Variants in SCAF8 observed in about 807,000 individuals in gnomAD.
The protein encoded by SCAF8 is SR-related and CTD-associated factor 8.
A neutral mutation model predicts 140.5 loss-of-function variants in SCAF8; 23 were observed. That is an observed-to-expected ratio of 0.16 (90% confidence interval 0.12 to 0.23). The LOEUF is 0.23. SCAF8 is among the 10% of genes least tolerant of loss of function. SCAF8 has a pLI of 1.00. For synonymous variants in SCAF8, 575 were observed against 528.9 expected, an observed-to-expected ratio of 1.09 and a Z score of -1.20; for missense variants, 1,397 against 1,555.7, an observed-to-expected ratio of 0.90 and a Z score of 1.72.
Position 154,777,589 on chromosome 6 carries a change from A to G in SCAF8, c.115-412A>G, listed in dbSNP as rs181145327. On this transcript the variant is annotated intron_variant, in intron 2 of 19. Transcript: ENST00000367178. ...GTTATTTGTAGTTACTTGATTTTTC[A>G]AATTTCCCTTGATTTAACTGATAAA... 5.7e-3 allele frequency among the ~76,000 whole-genome samples: 861 copies of G among 152,328 alleles called. 13 individuals carry two copies. Among genetic ancestry groups the G allele is most frequent in the African/African-American group, 0.02 (817 of 41,582 alleles).
rs148095343 is a variant in SCAF8, at chr6:154,832,275, C to T, written c.2696C>T (p.Thr899Ile). 5.6e-6 allele frequency: 9 copies of T among 1,614,112 alleles called. No individual in the cohort carries two copies. In the African/African-American group the frequency reaches 9.3e-5, roughly 17 times the overall value. ...NVPNTPGLLG[T>I]QPPAGPQNLP... is the part of the protein sequence containing the mutation. Reference sequence around the variant, plus strand: ...CCAAATACTCCTGGACTTCTGGGAACACAGCCACCAGCTGGACCTCAAAAC... The same window carrying T: ...CCAAATACTCCTGGACTTCTGGGAATACAGCCACCAGCTGGACCTCAAAAC... Residue 899 changes from threonine (T) to isoleucine (I), a missense_variant, in exon 20 of 20, where the codon ACA becomes ATA. This residue lies in a region of SCAF8 where 930 missense variants were observed against 874.6 expected (regional missense o/e 1.06). Transcript: ENST00000367178.
intron 1 of SCAF8, among the ~76,000 whole-genome samples, chr6:154,752,829 C>T (rs991632079): frequency 6.6e-6 from 1 of 152,158 alleles, no homozygotes; most frequent in Admixed American, 6.5e-5. Flanking sequence ...TCAAGTGATT[C>T]TCCTGCCTCA....
In SCAF8 at chr6:154,832,651, G is replaced by A. The variant is rs1450406405; in HGVS notation, c.3072G>A (p.Arg1024=). Residue 1024 remains arginine, a synonymous_variant, in exon 20 of 20, where the codon AGG becomes AGA. Transcript: ENST00000367178. ...ACCGGTTTCCTCCTATAGAAACCAG[G>A]GAAAGCATTAGTAGACCTCCCCCTG... ...RDYRFPPIET[R]ESISRPPPVD... 1 of 1,613,952 alleles carries A rather than the reference G, an allele frequency of 6.2e-7. No homozygotes were observed. The highest frequency in any genetic ancestry group is 8.5e-7 in the Non-Finnish European group (1 of 1,179,992).
Position 154,798,300 on chromosome 6 carries a change from A to G in SCAF8, c.606+3161A>G, listed in dbSNP as rs1224317851. Among the ~76,000 whole-genome samples, 5 of 151,536 alleles carry G rather than the reference A, an allele frequency of 3.3e-5. 1 individual carries two copies. Among genetic ancestry groups the G allele is most frequent in the African/African-American group, 4.8e-5 (2 of 41,412 alleles). On this transcript the variant is annotated intron_variant, in intron 6 of 19. Transcript: ENST00000367178. ...AATTGGTTCAGGAAAGTTCTGTTATACAGATGACAATTAAATTTGTTTTTT... is the reference window on the plus strand; with the variant it reads ...AATTGGTTCAGGAAAGTTCTGTTATGCAGATGACAATTAAATTTGTTTTTT...
chr6:154,786,888 A>G (rs1436217610), intron 3 of SCAF8, among the ~76,000 whole-genome samples: 1 of 152,260 alleles, frequency 6.6e-6, no homozygotes, highest in African/African-American at 2.4e-5. Context: ...ATCATACTAA[A>G]GAACTTTTTT....
At chr6:154,764,411 A>G (rs1261895767) in intron 1 of SCAF8, among the ~76,000 whole-genome samples, 1 of 152,306 alleles carries the variant, frequency 6.6e-6, no homozygotes, top group Admixed American at 6.5e-5. Flanking sequence ...TCAGATGAGC[A>G]TAGAGAATTT....
chr6:154,753,819 T>C (rs554786414), intron 1 of SCAF8, among the ~76,000 whole-genome samples: 9 of 152,278 alleles, frequency 5.9e-5, no homozygotes, highest in African/African-American at 2.2e-4. Context: ...TTGATTTTTT[T>C]CACAGTGAGC....
intron 1 of SCAF8, among the ~76,000 whole-genome samples, chr6:154,757,660 A>C (rs1779000214): frequency 6.6e-6 from 1 of 152,234 alleles, no homozygotes; most frequent in Non-Finnish European, 1.5e-5. Flanking sequence ...TTATCAGTTA[A>C]AGTCAGAGTT....
intron 5 of SCAF8, among the ~76,000 whole-genome samples, chr6:154,793,905 G>GTGTGTGTGTGTA (rs61366938): frequency 0.59 from 87,368 of 149,242 alleles, 27,682 homozygotes; most frequent in East Asian, 0.91. Context: ...TGTATTTTGT[G>GTGTGTGTGTGTA]TGTGTGTGTG....
Position 154,808,185 on chromosome 6 carries a change from T to C in SCAF8, c.1097T>C (p.Ile366Thr), listed in dbSNP as rs758330984. Reference protein sequence around the residue: ...LEPEVNLDDSIDIQQQDMDID... With the variant: ...LEPEVNLDDSTDIQQQDMDID... Reference sequence around the variant, plus strand: ...CCTGAAGTCAATTTGGATGATTCCATAGATATTCAGCAACAGGTAAAAGTA... The same window carrying C: ...CCTGAAGTCAATTTGGATGATTCCACAGATATTCAGCAACAGGTAAAAGTA... The change falls in exon 10 of 20, where the codon ATA (isoleucine) becomes ACA (threonine). Residue 366 changes from isoleucine (I) to threonine (T), a missense_variant. Ile to Thr is a moderately conservative substitution (Grantham distance 89). This residue lies in a region of SCAF8 where 339 missense variants were observed against 407.5 expected (regional missense o/e 0.83). Transcript: ENST00000367178. 2 of 1,613,664 alleles carry C rather than the reference T, an allele frequency of 1.2e-6. No homozygotes were observed. The highest frequency in any genetic ancestry group is 1.7e-6 in the Non-Finnish European group (2 of 1,179,720).
chr6:154,760,011 G>T (rs906486128), intron 1 of SCAF8, among the ~76,000 whole-genome samples: 4 of 152,068 alleles, frequency 2.6e-5, no homozygotes, highest in African/African-American at 9.7e-5. Context: ...CAAATTCTGG[G>T]CTGGGCATAG....
At position 154,810,090 on chromosome 6, in the gene SCAF8, C is replaced by G. The variant is rs528442734; in HGVS notation, c.1302C>G (p.Arg434=). 2 of 1,613,742 alleles carry G rather than the reference C, an allele frequency of 1.2e-6. No individual in the cohort carries two copies. Among genetic ancestry groups the G allele is most frequent in the Non-Finnish European group, 8.5e-7 (1 of 1,179,898 alleles). ...KRKHRKRSRS[R]SRERKRKSSR... is the part of the protein sequence containing the mutation. ...AACACAGAAAGCGATCACGCTCCCG[C>G]TCAAGAGAAAGAAAGAGGAAATCAT... Residue 434 remains arginine (R), a synonymous_variant, in exon 12 of 20, where the codon CGC becomes CGG. Coordinates refer to ENST00000367178, the MANE Select transcript of SCAF8 (RefSeq NM_014892.5).
chr6:154,785,968 G>A lies in SCAF8; in HGVS notation c.160-1893G>A, dbSNP rs865803402. On this transcript the variant is annotated intron_variant, in intron 3 of 19. Transcript: ENST00000367178. ...GATACGCTTTAGGAAATTATTTAGA[G>A]TAAAAATACCGTATGCCATTGTATA... Among the ~76,000 whole-genome samples, 5 of 152,330 alleles carry A rather than the reference G, an allele frequency of 3.3e-5. No individual in the cohort carries two copies. The South Asian group carries it at 1.0e-3, about 32-fold the overall frequency.
intron 1 of SCAF8, among the ~76,000 whole-genome samples, chr6:154,769,280 C>G (rs778716420): frequency 6.6e-6 from 1 of 152,042 alleles, no homozygotes; most frequent in African/African-American, 2.4e-5. Context: ...CTTTAGAAGT[C>G]TAAATTATAT....
At chr6:154,777,054 A>G (rs1480271184) in intron 2 of SCAF8, among the ~76,000 whole-genome samples, 1 of 152,124 alleles carries the variant, frequency 6.6e-6, no homozygotes, top group African/African-American at 2.4e-5. Flanking sequence ...GCTGGCACGC[A>G]TCTGTAGTCC....
intron 1 of SCAF8, among the ~76,000 whole-genome samples, chr6:154,770,401 CTCTCTCTCTCTCT>C (rs1776711406): frequency 8.7e-5 from 4 of 45,818 alleles, no homozygotes; most frequent in Admixed American, 8.3e-4. Context: ...CTCTCTCTCT[CTCTCTCTCTCTCT>C]CTCTCTCTCT....
At chr6:154,793,081 C>A in intron 5 of SCAF8, 105 bp downstream of exon 5, 1 of 748,374 alleles carries the variant, frequency 1.3e-6, no homozygotes, top group Non-Finnish European at 2.0e-6. Flanking sequence ...ATTTGTCCAG[C>A]ATTACATAAT....
chr6:154,749,684 G>A (rs1044777174), intron 1 of SCAF8, among the ~76,000 whole-genome samples: 1 of 152,142 alleles, frequency 6.6e-6, no homozygotes, highest in African/African-American at 2.4e-5. Flanking sequence ...GGATAGGGTA[G>A]GGAGGAGTGA....
chr6:154,794,848 G>A (rs1777552071), intron 5 of SCAF8, among the ~76,000 whole-genome samples, 161 bp from the exon 6 acceptor site: 1 of 140,818 alleles, frequency 7.1e-6, no homozygotes, highest in African/African-American at 2.7e-5. Flanking sequence ...ACCTAATTCT[G>A]TAAAGGATTT....
Sources: gnomAD v4.1 joint callset for allele counts (sites outside exome capture counted in the v4.1 genomes callset) on GRCh38, gnomAD v4.1.1 for gene constraint, gnomAD v4.1.1 regional missense constraint, MANE v1.5 for transcripts, NCBI Gene and HGNC (gene_info 2026-07-23, HGNC 2026-07-21) for gene names.